Variants in ARID1B observed in about 807,000 individuals in gnomAD.
ARID1B encodes the protein AT-rich interaction domain 1B.
In ARID1B, 30 loss-of-function variants were observed where a neutral mutation model predicts 212.3. The ratio of observed to expected loss-of-function variants is 0.14; its 90% CI spans 0.11 to 0.19. ARID1B has a LOEUF of 0.19. Ranked by LOEUF, ARID1B falls within the 10% of genes least tolerant of loss-of-function variation. The probability of loss-of-function intolerance (pLI) is 1.00; values close to 1 mark genes in which losing one functional copy is unlikely to be tolerated. For missense variants in ARID1B, 2,891 were observed against 3,204.0 expected (o/e 0.90, Z 2.36); for synonymous variants, 1,402 against 1,301.7 (o/e 1.08, Z -1.66).
intron 4 of ARID1B, among the ~76,000 whole-genome samples, chr6:157,003,904 G>T (rs1272453713): frequency 6.6e-6 from 1 of 151,972 alleles, no homozygotes; most frequent in Non-Finnish European, 1.5e-5. Flanking sequence ...TCAAGGCGAG[G>T]CAAGAGGATC....
At chr6:157,139,971 G>A (rs187719517) in intron 7 of ARID1B, among the ~76,000 whole-genome samples, 6 of 151,838 alleles carry the variant, frequency 4.0e-5, no homozygotes, top group Non-Finnish European at 7.4e-5. Flanking sequence ...TGATTCACCC[G>A]CCTCAGCCTC....
chr6:156,990,191 T>C (rs1778187478), intron 4 of ARID1B, among the ~76,000 whole-genome samples: 2 of 150,872 alleles, frequency 1.3e-5, no homozygotes, highest in East Asian at 2.0e-4. Context: ...TTTTTTTTTT[T>C]TAAAGAGAGT....
intron 6 of ARID1B, among the ~76,000 whole-genome samples, chr6:157,124,678 A>G (rs1476849579): frequency 6.6e-6 from 1 of 152,182 alleles, no homozygotes; most frequent in Non-Finnish European, 1.5e-5. Flanking sequence ...AAGGGTCAAC[A>G]TTGTTCTGGA....
At chr6:157,194,412 A>AGG (rs1793583319) in intron 15 of ARID1B, 1 of 152,238 alleles carries the variant, frequency 6.6e-6, no homozygotes, top group Non-Finnish European at 1.5e-5. Context: ...AAATGTATCT[A>AGG]CTCATGAAAT....
chr6:156,889,080 A>G (rs1787735395), intron 2 of ARID1B, among the ~76,000 whole-genome samples: 1 of 152,228 alleles, frequency 6.6e-6, no homozygotes, highest in African/African-American at 2.4e-5. Context: ...GTGACAGTTT[A>G]GGAAAGACCA....
chr6:156,856,696 TCTCTCACA>T (rs1384564526), intron 2 of ARID1B, among the ~76,000 whole-genome samples: 71 of 84,298 alleles, frequency 8.4e-4, no homozygotes, highest in South Asian at 2.8e-3. Flanking sequence ...TCTCTCTCTC[TCTCTCACA>T]CACACACACA....
chr6:157,076,360 G>A (rs1223826189), intron 4 of ARID1B, among the ~76,000 whole-genome samples: 4 of 151,576 alleles, frequency 2.6e-5, no homozygotes, highest in Admixed American at 2.0e-4. Flanking sequence ...TGTTGCCCAG[G>A]CTGGAATGCA....
At chr6:157,091,138 A>G (rs554599858) in intron 5 of ARID1B, among the ~76,000 whole-genome samples, 1 of 152,324 alleles carries the variant, frequency 6.6e-6, no homozygotes, top group South Asian at 2.1e-4. Context: ...GCCACAAAGC[A>G]CCAATTCCTT....
At chr6:157,010,322 GGT>G (rs1779516870) in intron 4 of ARID1B, among the ~76,000 whole-genome samples, 3 of 94,864 alleles carry the variant, frequency 3.2e-5, no homozygotes, top group Non-Finnish European at 4.2e-5. Context: ...TTGTTGTTTT[GGT>G]TTGTTTTGGT....
intron 5 of ARID1B, among the ~76,000 whole-genome samples, chr6:157,110,011 TCTGA>T (rs1786785539): frequency 6.6e-6 from 1 of 152,246 alleles, no homozygotes; most frequent in African/African-American, 2.4e-5. Context: ...ATGTTAAATC[TCTGA>T]CTGACTAATG....
At chr6:156,848,430 T>C (rs979035620) in intron 2 of ARID1B, among the ~76,000 whole-genome samples, 9 of 152,264 alleles carry the variant, frequency 5.9e-5, no homozygotes, top group Non-Finnish European at 1.2e-4. Context: ...TTGCTGTTTA[T>C]GTAACTCTAC....
chr6:156,948,154 T>G lies in ARID1B; in HGVS notation c.2247+12578T>G, dbSNP rs952937772. ...TTTTGATTAAAGTTAGGGGTATTCT[T>G]GAATAAATACAAATGTGGTCAAATT... On this transcript the variant is annotated intron_variant, in intron 4 of 19. Coordinates refer to ENST00000636930, the MANE Select transcript of ARID1B (RefSeq NM_001374828.1). Among the ~76,000 whole-genome samples, 9 of 152,266 alleles carry G rather than the reference T, an allele frequency of 5.9e-5. No homozygotes were observed. In the South Asian group the frequency reaches 1.7e-3, roughly 28 times the overall value.
chr6:157,021,232 T>C (rs1011231622), intron 4 of ARID1B, among the ~76,000 whole-genome samples: 2 of 152,212 alleles, frequency 1.3e-5, no homozygotes, highest in South Asian at 2.1e-4. Context: ...TGGTTTCTTT[T>C]GTTTTATTCA....
intron 1 of ARID1B, among the ~76,000 whole-genome samples, chr6:156,822,099 C>T (rs971014103): frequency 3.9e-5 from 6 of 152,128 alleles, no homozygotes; most frequent in African/African-American, 1.4e-4. Flanking sequence ...CCGCCTCAGC[C>T]TCCCAAAGTG....
At chr6:156,992,309 T>C (rs1778318778) in intron 4 of ARID1B, among the ~76,000 whole-genome samples, 1 of 152,184 alleles carries the variant, frequency 6.6e-6, no homozygotes, top group South Asian at 2.1e-4. Context: ...GTTCGGTTGC[T>C]CCCTTCTAAG....
Position 156,777,840 on chromosome 6 carries a change from C to T in ARID1B, c.160C>T (p.Pro54Ser). ...ARGAAAAAAA[P>S]GPMLGGGGDG... is the part of the protein sequence containing the mutation. ...CGGCGCGGCGGCGGCGGCGGCGGCA[C>T]CGGGACCCATGCTGGGGGGCGGCGG... The change falls in exon 1 of 20, where the codon CCG becomes TCG. Residue 54 changes from proline (P) to serine (S), a missense_variant. Pro to Ser is a moderately conservative substitution (Grantham distance 74). Transcript: ENST00000636930. The T allele has an allele frequency of 1.7e-6, 2 of 1,201,308 alleles. No homozygotes were observed. The highest frequency in any genetic ancestry group is 2.1e-6 in the Non-Finnish European group (2 of 966,402). The allele number at this position is 1,201,308 out of a possible 1,614,324, so 74.4% of individuals were successfully genotyped here. A position where few individuals can be genotyped will look rare whatever the true frequency, so the allele number is the denominator to read the frequency against.
In ARID1B at chr6:156,913,337, C is replaced by T. The variant is rs182582728; in HGVS notation, c.2136+11812C>T. On this transcript the variant is annotated intron_variant, in intron 3 of 19. Coordinates refer to ENST00000636930, the MANE Select transcript of ARID1B (RefSeq NM_001374828.1). ...GTTCAAGCAATTCTCCTGCCTCAGC[C>T]TCTTGAGTAGCTAGAACTACAGGCA... 7.0e-4 allele frequency among the ~76,000 whole-genome samples: 106 copies of T among 151,782 alleles called. No individual in the cohort carries two copies. The East Asian group carries it at 0.017, about 24-fold the overall frequency.
intron 1 of ARID1B, among the ~76,000 whole-genome samples, chr6:156,790,601 G>C (rs939454850): frequency 1.3e-5 from 2 of 152,146 alleles, no homozygotes; most frequent in African/African-American, 4.8e-5. Flanking sequence ...TTGACTGTTG[G>C]AAAATTTTAA....
At chr6:156,976,817 C>A in intron 4 of ARID1B, 1 of 572,870 alleles carries the variant, frequency 1.7e-6, no homozygotes, top group South Asian at 1.4e-5. Context: ...AACTCAGTTA[C>A]ATTGGCAAAT....
Sources: allele counts gnomAD v4.1 joint callset (sites outside exome capture counted in the v4.1 genomes callset), GRCh38; gene constraint gnomAD v4.1.1; transcripts MANE v1.5; gene names NCBI Gene and HGNC (gene_info 2026-07-23, HGNC 2026-07-21).